The following PTPRN2 variants were observed in gnomAD, a reference collection of about 807,000 sequenced individuals.
PTPRN2 encodes the protein receptor-type tyrosine-protein phosphatase N2.
PTPRN2 carries 74 observed loss-of-function variants against 118.8 expected under a neutral mutation model. That is an observed-to-expected ratio of 0.62 (90% CI 0.52 to 0.76). PTPRN2 has a LOEUF of 0.76. Ranked by LOEUF, PTPRN2 falls within the 30% of genes least tolerant of loss-of-function variation. The pLI is 0.00. For missense variants in PTPRN2, 1,481 were observed against 1,394.4 expected (o/e 1.06, Z -0.99); for synonymous variants, 641 against 608.0 (o/e 1.05, Z -0.80).
At chr7:158,376,450 C>T (rs1172025046) in intron 2 of PTPRN2, among the ~76,000 whole-genome samples, 2 of 146,080 alleles carry the variant, frequency 1.4e-5, no homozygotes, top group African/African-American at 5.1e-5. Flanking sequence ...TCAGGGGACT[C>T]TCCCACATCC....
chr7:158,212,122 A>T (rs1172691125), intron 3 of PTPRN2, among the ~76,000 whole-genome samples: 1 of 152,224 alleles, frequency 6.6e-6, no homozygotes, highest in Non-Finnish European at 1.5e-5. Context: ...ATAGAAAGAC[A>T]AACTTTGCAT....
At chr7:158,333,849 G>A (rs1490382993) in intron 2 of PTPRN2, among the ~76,000 whole-genome samples, 1 of 141,910 alleles carries the variant, frequency 7.0e-6, no homozygotes, top group Non-Finnish European at 1.5e-5. Context: ...CCATAGAGCT[G>A]ACACCCGCAG....
At chr7:157,624,996 T>C (rs975748425) in intron 14 of PTPRN2, among the ~76,000 whole-genome samples, 2 of 152,184 alleles carry the variant, frequency 1.3e-5, no homozygotes, top group Non-Finnish European at 2.9e-5. Flanking sequence ...ACATCACTAA[T>C]GATCAGGGAA....
chr7:157,630,486 A>G (rs1049747408), intron 14 of PTPRN2, among the ~76,000 whole-genome samples: 3 of 152,150 alleles, frequency 2.0e-5, no homozygotes, highest in African/African-American at 7.2e-5. Flanking sequence ...CTTCTTCACC[A>G]TCCCGCTCCT....
At chr7:158,115,227 A>T (rs192583958) in intron 9 of PTPRN2, among the ~76,000 whole-genome samples, 317 of 152,262 alleles carry the variant, frequency 2.1e-3, no homozygotes, top group Non-Finnish European at 3.1e-3. Context: ...TGGATAAAGA[A>T]CAGGTTGGAG....
chr7:158,067,830 C>G (rs878941461), intron 11 of PTPRN2, among the ~76,000 whole-genome samples: 3 of 151,378 alleles, frequency 2.0e-5, no homozygotes, highest in Non-Finnish European at 2.9e-5. Context: ...GGGCAGCACA[C>G]TGGGTCACGC....
intron 12 of PTPRN2, among the ~76,000 whole-genome samples, chr7:157,841,669 A>T (rs1808432234): frequency 6.6e-6 from 1 of 152,216 alleles, no homozygotes; most frequent in African/African-American, 2.4e-5. Context: ...AGGCTCATGC[A>T]TTATTCAGGA....
intron 2 of PTPRN2, among the ~76,000 whole-genome samples, chr7:158,382,140 A>G (rs1320756118): frequency 6.6e-6 from 1 of 152,178 alleles, no homozygotes; most frequent in Non-Finnish European, 1.5e-5. Context: ...AGGACCCACT[A>G]CAGGTCCACC....
chr7:158,488,348 C>G (rs1821181846), intron 2 of PTPRN2, among the ~76,000 whole-genome samples: 1 of 152,180 alleles, frequency 6.6e-6, no homozygotes, highest in Admixed American at 6.5e-5. Context: ...ACTTGTCACA[C>G]TCGGCACAGG....
At position 157,845,591 on chromosome 7, in the gene PTPRN2, C is replaced by A. The variant is rs1275824048; in HGVS notation, c.1788+53082G>T. Among the ~76,000 whole-genome samples, 1 of 152,248 alleles carries A rather than the reference C, an allele frequency of 6.6e-6. No homozygotes were observed. The highest frequency in any genetic ancestry group is 2.4e-5 in the African/African-American group (1 of 41,464). On this transcript the variant is annotated intron_variant, in intron 12 of 22. Transcript: ENST00000389418. The surrounding 1 kb of genome is among the most constrained non-coding windows in gnomAD (Gnocchi z 4.5). ...CCGGCCACACAGGGCCAAGAACAGC[C>A]CAGGCAATGTTAAGGAGCATTGCAT...
chr7:157,546,809 T>C (rs2116983346), intron 22 of PTPRN2, among the ~76,000 whole-genome samples: 1 of 152,356 alleles, frequency 6.6e-6, no homozygotes, highest in South Asian at 2.1e-4. Context: ...CCAAAGCACC[T>C]CACTTCACGA....
chr7:158,450,327 C>G (rs1432752190), intron 2 of PTPRN2, among the ~76,000 whole-genome samples: 6 of 152,238 alleles, frequency 3.9e-5, no homozygotes, highest in African/African-American at 9.6e-5. Context: ...AGTCCATAAC[C>G]GCTGCCTCAG....
chr7:158,225,665 C>T lies in PTPRN2; in HGVS notation c.278-20392G>A. On this transcript the variant is annotated intron_variant, in intron 3 of 22. Transcript: ENST00000389418. The stretch of plus-strand genomic sequence containing the variant: ...ATTATATAATAAAGTTATGAGCAAA[C>T]TGCTAAGGGAATAGAGAAATGAAGA... 1.3e-5 allele frequency among the ~76,000 whole-genome samples: 2 copies of T among 152,088 alleles called. 1 individual carries two copies. Among genetic ancestry groups the T allele is most frequent in the Non-Finnish European group, 2.9e-5 (2 of 68,034 alleles).
intron 11 of PTPRN2, among the ~76,000 whole-genome samples, chr7:158,008,396 G>A (rs1045367098): frequency 3.3e-5 from 5 of 152,194 alleles, no homozygotes; most frequent in Non-Finnish European, 7.4e-5. Flanking sequence ...AGAAGGCCGC[G>A]GGGGCTCCCC....
chr7:158,428,810 G>T lies in PTPRN2; in HGVS notation c.163+60925C>A, dbSNP rs1488467507. ...CACCGTGTCTGTATGTTACTTACTC[G>T]CTTCTTTCAGGGTCTTTTCCAATAA... is the stretch of plus-strand genomic sequence containing the variant. On this transcript the variant is annotated intron_variant, in intron 2 of 22. Transcript: ENST00000389418. 2.6e-5 allele frequency among the ~76,000 whole-genome samples: 4 copies of T among 152,228 alleles called. No individual in the cohort carries two copies. The Middle Eastern group carries it at 0.014, about 518-fold the overall frequency.
At position 157,590,645 on chromosome 7, in the gene PTPRN2, T is replaced by C. The variant is rs1404299017; in HGVS notation, c.2496+4593A>G. ...GCACGGACAGAGGTGCTGTGGGCCCTGCGGGACGGGGAGCTGATGGGGCCT... is the reference window on the plus strand; with the variant it reads ...GCACGGACAGAGGTGCTGTGGGCCCCGCGGGACGGGGAGCTGATGGGGCCT... On this transcript the variant is annotated intron_variant, in intron 17 of 22. Coordinates refer to ENST00000389418, the MANE Select transcript of PTPRN2 (RefSeq NM_002847.5). The surrounding 1 kb of genome is among the most constrained non-coding windows in gnomAD (Gnocchi z 4.0). Among the ~76,000 whole-genome samples, 1 of 151,916 alleles carries C rather than the reference T, an allele frequency of 6.6e-6. No homozygotes were observed. Among genetic ancestry groups the C allele is most frequent in the East Asian group, 2.0e-4 (1 of 5,110 alleles).
intron 11 of PTPRN2, among the ~76,000 whole-genome samples, chr7:157,965,667 A>G (rs1801874268): frequency 6.6e-6 from 1 of 152,124 alleles, no homozygotes; most frequent in Non-Finnish European, 1.5e-5. Flanking sequence ...TCTCAGATCA[A>G]GGTGTTCTTT....
At chr7:158,255,800 G>A (rs964275752) in intron 3 of PTPRN2, among the ~76,000 whole-genome samples, 1 of 150,002 alleles carries the variant, frequency 6.7e-6, no homozygotes, top group African/African-American at 2.5e-5. Flanking sequence ...AGCTGATGAG[G>A]CCAATGGGCC....
chr7:158,283,650 C>A (rs551348536), intron 3 of PTPRN2, among the ~76,000 whole-genome samples: 1 of 152,114 alleles, frequency 6.6e-6, no homozygotes, highest in Non-Finnish European at 1.5e-5. Flanking sequence ...CGGTGTTGGC[C>A]GCCAATGGCA....
Sources: allele counts gnomAD v4.1 joint callset (sites outside exome capture counted in the v4.1 genomes callset), GRCh38; gene constraint gnomAD v4.1.1; non-coding constraint Gnocchi (gnomAD v3.1); transcripts MANE v1.5; gene names NCBI Gene and HGNC (gene_info 2026-07-23, HGNC 2026-07-21).